The following ELL variants were observed in gnomAD, a reference collection of about 807,000 sequenced individuals.
ELL encodes the protein elongation factor for RNA polymerase II.
ELL carries 18 observed loss-of-function variants against 64.0 expected under a neutral mutation model. The ratio of observed to expected loss-of-function variants is 0.28; its 90% confidence interval spans 0.19 to 0.42. ELL has a LOEUF of 0.42. ELL is among the 10% of genes least tolerant of loss of function. The pLI is 1.00. For missense variants in ELL, 797 were observed against 870.4 expected, an observed-to-expected ratio of 0.92 and a Z score of 1.06; for synonymous variants, 399 against 376.2, an observed-to-expected ratio of 1.06 and a Z score of -0.70.
intron 4 of ELL, among the ~76,000 whole-genome samples, chr19:18,464,737 G>A (rs1467995747): frequency 6.6e-6 from 1 of 152,230 alleles, no homozygotes; most frequent in African/African-American, 2.4e-5. Flanking sequence ...TACTCCTGCC[G>A]TAATGAGTTC....
intron 1 of ELL, among the ~76,000 whole-genome samples, chr19:18,513,608 GA>G (rs912063645): frequency 2.0e-5 from 3 of 148,558 alleles, no homozygotes; most frequent in East Asian, 2.0e-4. Flanking sequence ...TAGTAAAAAG[GA>G]AAAAAAAAAC....
At chr19:18,486,775 T>G (rs1011235113) in intron 1 of ELL, among the ~76,000 whole-genome samples, 1 of 152,174 alleles carries the variant, frequency 6.6e-6, no homozygotes, top group East Asian at 1.9e-4. Context: ...CAAGAGAATC[T>G]GGCACCCTTC....
intron 4 of ELL, among the ~76,000 whole-genome samples, chr19:18,463,706 C>T (rs1261095673): frequency 1.3e-5 from 2 of 151,790 alleles, no homozygotes; most frequent in Admixed American, 6.6e-5. Flanking sequence ...GGGCCAGGGG[C>T]GGTGGCTCAC....
At chr19:18,518,165 C>G (rs1332241077) in intron 1 of ELL, among the ~76,000 whole-genome samples, 1 of 150,134 alleles carries the variant, frequency 6.7e-6, no homozygotes, top group Non-Finnish European at 1.5e-5. Context: ...TCCAGCCTAG[C>G]AACAAGAGTG....
At chr19:18,497,541 T>C (rs563373593) in intron 1 of ELL, among the ~76,000 whole-genome samples, 16 of 152,204 alleles carry the variant, frequency 1.1e-4, no homozygotes, top group African/African-American at 3.6e-4. Flanking sequence ...GACGTCAGGC[T>C]GGGTGTGGTG....
intron 2 of ELL, 85 bp downstream of exon 2, chr19:18,472,750 G>T: frequency 6.7e-7 from 1 of 1,503,208 alleles, no homozygotes; most frequent in Non-Finnish European, 9.1e-7. Context: ...GCCATGAGCT[G>T]CTGCTGTACC....
chr19:18,463,325 C>CCTT (rs1974866967), intron 4 of ELL, among the ~76,000 whole-genome samples: 1 of 73,250 alleles, frequency 1.4e-5, no homozygotes, highest in African/African-American at 8.5e-5. Flanking sequence ...ACATTCACAT[C>CCTT]TTTTTTTTTT....
At chr19:18,475,476 C>T (rs1975156827) in intron 1 of ELL, among the ~76,000 whole-genome samples, 1 of 106,420 alleles carries the variant, frequency 9.4e-6, no homozygotes. Context: ...GTTAAACACA[C>T]CCAGCAATTC....
intron 9 of ELL, 134 bp from the exon 10 acceptor site, chr19:18,446,614 A>C (rs1974422893): frequency 6.7e-7 from 1 of 1,488,484 alleles, no homozygotes; most frequent in Non-Finnish European, 9.1e-7. Flanking sequence ...CTGGCCCAGA[A>C]GAGGCTGCTA....
At chr19:18,493,303 G>A (rs1975571119) in intron 1 of ELL, among the ~76,000 whole-genome samples, 1 of 152,232 alleles carries the variant, frequency 6.6e-6, no homozygotes, top group African/African-American at 2.4e-5. Flanking sequence ...GGGGGAAGCT[G>A]TGCCCACACC....
chr19:18,489,273 C>T (rs945657637), intron 1 of ELL, among the ~76,000 whole-genome samples: 3 of 152,218 alleles, frequency 2.0e-5, no homozygotes, highest in East Asian at 1.9e-4. Context: ...CTCCCAGGAA[C>T]GCTAGCACAA....
chr19:18,461,722 G>A lies in ELL; in HGVS notation c.600C>T (p.Ser200=), dbSNP rs754575915. The A allele has an allele frequency of 3.3e-5, 54 of 1,613,610 alleles. No individual in the cohort carries two copies. Among genetic ancestry groups the A allele is most frequent in the East Asian group, 3.1e-4 (14 of 44,898 alleles). The change falls in exon 5 of 12, where the codon AGC becomes AGT. Residue 200 remains serine (S), a synonymous_variant. Transcript: ENST00000262809. ...KSGASAVSGG[S]GVSQRPFRDR... ...CACGGAAGGGCCTCTGGGACACCCCGCTGCCCCCACTCACGGCACTGGCAC... is the reference window on the plus strand; with the variant it reads ...CACGGAAGGGCCTCTGGGACACCCCACTGCCCCCACTCACGGCACTGGCAC...
Position 18,467,552 on chromosome 19 carries a change from C to T in ELL, c.184-1634G>A, listed in dbSNP as rs756862087. On this transcript the variant is annotated intron_variant, in intron 2 of 11. Transcript: ENST00000262809. ...GGCAGAAACGGCCTGCACTCAGCAT[C>T]GGAGAAATCACACACATATAGCCTC... 7.2e-5 allele frequency among the ~76,000 whole-genome samples: 11 copies of T among 151,890 alleles called. No individual in the cohort carries two copies. In the South Asian group the frequency reaches 8.3e-4, roughly 11 times the overall value.
chr19:18,491,083 T>A (rs1040268387), intron 1 of ELL, among the ~76,000 whole-genome samples: 4 of 152,038 alleles, frequency 2.6e-5, no homozygotes, highest in Non-Finnish European at 5.9e-5. Flanking sequence ...ATCAGTAGAC[T>A]GTTTTGTTTT....
chr19:18,465,274 G>T, intron 4 of ELL, 138 bp downstream of exon 4: 1 of 1,267,406 alleles, frequency 7.9e-7, no homozygotes, highest in Non-Finnish European at 1.1e-6. Flanking sequence ...GGCACGTCCT[G>T]CTCAGGGACC....
In ELL at chr19:18,509,590, C is replaced by CGT. The variant is rs1568399669; in HGVS notation, c.135+12330_135+12331insAC. On this transcript the variant is annotated intron_variant, in intron 1 of 11. Coordinates refer to ENST00000262809, the MANE Select transcript of ELL (RefSeq NM_006532.4). Reference sequence around the variant, plus strand: ...ACACAGGCCAATGCACGTGCGCGCGCGCGCACATACACACACACACACACA... The same window carrying CGT: ...ACACAGGCCAATGCACGTGCGCGCGCGTGCGCACATACACACACACACACACA... 1.9e-4 allele frequency among the ~76,000 whole-genome samples: 21 copies of CGT among 113,004 alleles called. 1 individual carries two copies. The highest frequency in any genetic ancestry group is 7.8e-4 in the African/African-American group (18 of 23,006). The allele number at this position is 113,004 out of a possible 152,430, so 74.1% of individuals were successfully genotyped here.
intron 1 of ELL, among the ~76,000 whole-genome samples, chr19:18,518,489 CAAA>C (rs34535243): frequency 1.2e-4 from 13 of 110,584 alleles, no homozygotes; most frequent in Admixed American, 2.0e-4. Context: ...AACCCTGTCT[CAAA>C]AAAAAAAAAA....
intron 1 of ELL, among the ~76,000 whole-genome samples, chr19:18,478,930 C>G (rs1001797639): frequency 6.6e-6 from 1 of 152,216 alleles, no homozygotes; most frequent in East Asian, 1.9e-4. Flanking sequence ...GGGTGCAGAG[C>G]CTGGGAGGCA....
chr19:18,511,105 A>C (rs1280005190), intron 1 of ELL, among the ~76,000 whole-genome samples: 5 of 151,996 alleles, frequency 3.3e-5, no homozygotes, highest in African/African-American at 1.2e-4. Context: ...ATCTCTACTA[A>C]AAATATAAAA....
Sources: gnomAD v4.1 joint callset for allele counts (sites outside exome capture counted in the v4.1 genomes callset) on GRCh38, gnomAD v4.1.1 for gene constraint, MANE v1.5 for transcripts, NCBI Gene and HGNC (gene_info 2026-07-23, HGNC 2026-07-21) for gene names.